LYRM4: variants seen among roughly 807,000 people sequenced by gnomAD.
LYRM4 encodes LYR motif-containing protein 4.
In LYRM4, 9 loss-of-function variants were observed where a neutral mutation model predicts 11.7. The ratio of observed to expected loss-of-function variants is 0.77; its 90% CI spans 0.46 to 1.34. The LOEUF (loss-of-function observed/expected upper bound fraction) is 1.34. Among genes scored for constraint, LYRM4 ranks in the 40% most tolerant of loss-of-function variants. The pLI, the probability that LYRM4 is intolerant of heterozygous loss-of-function variation, is 0.00. For synonymous variants in LYRM4, 42 were observed against 40.4 expected (o/e 1.04, Z -0.15); for missense variants, 133 against 112.5 (o/e 1.18, Z -0.82).
At chr6:5,169,658 A>T (rs1759302358) in intron 2 of LYRM4, among the ~76,000 whole-genome samples, 1 of 152,216 alleles carries the variant, frequency 6.6e-6, no homozygotes, top group Non-Finnish European at 1.5e-5. Flanking sequence ...TTTATTTAAA[A>T]CTTCTTTTTC....
chr6:5,195,678 C>G (rs1172008040), intron 2 of LYRM4, among the ~76,000 whole-genome samples: 1 of 152,052 alleles, frequency 6.6e-6, no homozygotes, highest in African/African-American at 2.4e-5. Flanking sequence ...GTATGAAGCC[C>G]TTCTCACAAG....
the LYRM4 span, chr6:5,066,214 G>A: frequency 1.1e-5 from 8 of 713,096 alleles, no homozygotes; most frequent in Non-Finnish European, 1.8e-5. Context: ...AATCTCACAA[G>A]CTACTTGCCA....
intron 1 of LYRM4, among the ~76,000 whole-genome samples, chr6:5,232,423 AT>A (rs1763296101): frequency 6.6e-6 from 1 of 152,252 alleles, no homozygotes; most frequent in African/African-American, 2.4e-5. Flanking sequence ...CTTAGAAGAC[AT>A]GGAAAAGACA....
intron 1 of LYRM4, among the ~76,000 whole-genome samples, chr6:5,219,876 G>C (rs766103658): frequency 5.9e-5 from 9 of 152,198 alleles, no homozygotes; most frequent in Non-Finnish European, 1.2e-4. Context: ...TAATGAGTCA[G>C]ACGCTGTCTG....
chr6:5,197,211 G>A (rs1038418851), intron 2 of LYRM4, among the ~76,000 whole-genome samples: 2 of 152,188 alleles, frequency 1.3e-5, no homozygotes, highest in African/African-American at 2.4e-5. Flanking sequence ...GCTTACTGGT[G>A]ATTCATGATA....
intron 1 of LYRM4, among the ~76,000 whole-genome samples, chr6:5,241,973 C>T (rs1368998292): frequency 6.6e-6 from 1 of 152,140 alleles, no homozygotes; most frequent in African/African-American, 2.4e-5. Context: ...CTCCCAAACA[C>T]TCCCGGCCAT....
At chr6:5,206,304 G>A (rs1202629880) in intron 2 of LYRM4, among the ~76,000 whole-genome samples, 1 of 152,212 alleles carries the variant, frequency 6.6e-6, no homozygotes, top group Non-Finnish European at 1.5e-5. Context: ...TTGGCTGCCA[G>A]CCAGTGGGGG....
chr6:5,103,679 C>T (rs1762573085), downstream of LYRM4: 1 of 144,208 alleles, frequency 6.9e-6, no homozygotes, highest in Non-Finnish European at 1.5e-5. Flanking sequence ...CTCTGTCACC[C>T]AGGCTGGAGT....
chr6:5,034,921 G>A, the LYRM4 span, among the ~76,000 whole-genome samples: 4 of 151,656 alleles, frequency 2.6e-5, no homozygotes, highest in South Asian at 2.1e-4. Flanking sequence ...CAGGGCAGGC[G>A]AGGCGAGTTT....
At chr6:5,119,592 G>A (rs144681767) in intron 2 of LYRM4, among the ~76,000 whole-genome samples, 17 of 151,794 alleles carry the variant, frequency 1.1e-4, no homozygotes, top group African/African-American at 3.9e-4. Flanking sequence ...TTCAACACCC[G>A]CCTGACCAAT....
the LYRM4 span, among the ~76,000 whole-genome samples, chr6:5,082,080 A>T: frequency 6.6e-6 from 1 of 152,198 alleles, no homozygotes; most frequent in Non-Finnish European, 1.5e-5. Flanking sequence ...TAAACTGGTG[A>T]ACTCAAGCAA....
the LYRM4 span, among the ~76,000 whole-genome samples, chr6:5,058,397 A>G: frequency 6.6e-6 from 1 of 152,122 alleles, no homozygotes; most frequent in African/African-American, 2.4e-5. Flanking sequence ...CAGGTGTTCT[A>G]AGGTCCGGGG....
chr6:5,106,919 C>T (rs960753206), downstream of LYRM4: 1 of 152,256 alleles, frequency 6.6e-6, no homozygotes, highest in Non-Finnish European at 1.5e-5. Flanking sequence ...GGTGCATAGT[C>T]AAGGAGGTGG....
At chr6:5,219,125 A>T (rs1359763523) in intron 1 of LYRM4, among the ~76,000 whole-genome samples, 1 of 152,264 alleles carries the variant, frequency 6.6e-6, no homozygotes, top group Non-Finnish European at 1.5e-5. Context: ...AGCTATTGCT[A>T]AACTCATTTT....
intron 2 of LYRM4, among the ~76,000 whole-genome samples, chr6:5,182,742 TGA>T (rs1760151835): frequency 6.6e-6 from 1 of 152,174 alleles, no homozygotes; most frequent in Non-Finnish European, 1.5e-5. Flanking sequence ...TAATCAGCCA[TGA>T]GAGAGGACAG....
the LYRM4 span, among the ~76,000 whole-genome samples, chr6:5,090,178 A>G: frequency 6.6e-6 from 1 of 152,222 alleles, no homozygotes; most frequent in Non-Finnish European, 1.5e-5. This position sits in a 1 kb window ranked among gnomAD's most constrained non-coding sequence, Gnocchi z 4.8. Flanking sequence ...CACTAGTGAT[A>G]AAAACTAAGT....
chr6:5,167,104 T>C (rs1365568423), intron 2 of LYRM4, among the ~76,000 whole-genome samples: 2 of 152,216 alleles, frequency 1.3e-5, no homozygotes, highest in Admixed American at 6.5e-5. Flanking sequence ...CAACCCATCA[T>C]GAGGCTTGAG....
In LYRM4 at chr6:5,256,450, A is replaced by G. The variant is rs182230085; in HGVS notation, c.86+4198T>C. On this transcript the variant is annotated intron_variant, in intron 1 of 2. Transcript: ENST00000330636. Reference sequence around the variant, plus strand: ...GGTTGCAGTGAGCCAAGATCGCACCATTGCCCTCCAGCCTGGGCAACAAGG... The same window carrying G: ...GGTTGCAGTGAGCCAAGATCGCACCGTTGCCCTCCAGCCTGGGCAACAAGG... 1.9e-3 allele frequency among the ~76,000 whole-genome samples: 244 copies of G among 127,516 alleles called. 3 individuals carry two copies. The highest frequency in any genetic ancestry group is 6.5e-3 in the African/African-American group (219 of 33,832). 83.7% of individuals were successfully genotyped at this position (127,516 alleles called of 152,430 possible).
At chr6:5,061,007 G>A in the LYRM4 span, among the ~76,000 whole-genome samples, 3 of 152,186 alleles carry the variant, frequency 2.0e-5, no homozygotes, top group Non-Finnish European at 4.4e-5. Flanking sequence ...GGGACAGCCA[G>A]TCAGGTGCAG....
Sources: gnomAD v4.1 joint callset for allele counts (sites outside exome capture counted in the v4.1 genomes callset) on GRCh38, gnomAD v4.1.1 for gene constraint, Gnocchi (gnomAD v3.1) non-coding constraint, MANE v1.5 for transcripts, NCBI Gene and HGNC (gene_info 2026-07-23, HGNC 2026-07-21) for gene names.